IMMP2L: variants seen among roughly 807,000 people sequenced by gnomAD.
The protein encoded by IMMP2L is mitochondrial inner membrane protease subunit 2.
IMMP2L carries 18 observed loss-of-function variants against 19.3 expected under a neutral mutation model. The ratio of observed to expected loss-of-function variants is 0.93; its 90% CI spans 0.64 to 1.38. The LOEUF is 1.38. Ranked by LOEUF, IMMP2L falls within the 40% of genes most tolerant of loss-of-function variation. The probability of loss-of-function intolerance (pLI) is 0.00; values close to 1 mark genes in which losing one functional copy is unlikely to be tolerated. For missense variants in IMMP2L, 233 were observed against 218.2 expected (o/e 1.07, Z -0.43); for synonymous variants, 76 against 73.0 (o/e 1.04, Z -0.21).
chr7:111,561,544 A>G (rs1460642876), intron 1 of IMMP2L, among the ~76,000 whole-genome samples: 1 of 152,140 alleles, frequency 6.6e-6, no homozygotes, highest in African/African-American at 2.4e-5. Context: ...CCGGAGACAG[A>G]CAACTAGAGA....
chr7:111,013,664 C>T (rs1243885262), intron 3 of IMMP2L, among the ~76,000 whole-genome samples: 1 of 152,142 alleles, frequency 6.6e-6, no homozygotes, highest in African/African-American at 2.4e-5. Flanking sequence ...CCCATATATG[C>T]CCCTTGCCTA....
rs561562910 is a variant in IMMP2L at position 111,118,105 on chromosome 7, C to A, written c.240-154540G>T. Among the ~76,000 whole-genome samples the A allele has an allele frequency of 1.2e-3, 178 of 152,226 alleles. 1 individual carries two copies. The highest frequency in any genetic ancestry group is 2.2e-3 in the Admixed American group (34 of 15,284). ...AAGCATTCTCTCCTTTGTGCATCCA[C>A]AGAGCATTGCACACATTTTTATTGT... On this transcript the variant is annotated intron_variant, in intron 3 of 5. Coordinates refer to ENST00000405709, the MANE Select transcript of IMMP2L (RefSeq NM_032549.4).
At chr7:111,034,108 A>C (rs1193202704) in intron 3 of IMMP2L, among the ~76,000 whole-genome samples, 1 of 152,102 alleles carries the variant, frequency 6.6e-6, no homozygotes, top group Non-Finnish European at 1.5e-5. Flanking sequence ...AAAATTAATG[A>C]ATTTCACTGT....
chr7:110,886,751 G>A (rs946986585), intron 4 of IMMP2L, 56 bp from the exon 5 acceptor site: 5 of 814,088 alleles, frequency 6.1e-6, no homozygotes, highest in Non-Finnish European at 1.1e-5. Flanking sequence ...TCAAACTGCT[G>A]GGCATACAAA....
intron 3 of IMMP2L, among the ~76,000 whole-genome samples, chr7:111,073,345 C>T (rs935084742): frequency 2.0e-5 from 3 of 152,020 alleles, no homozygotes; most frequent in Non-Finnish European, 4.4e-5. Context: ...ATAAAGGTAC[C>T]AAAATGTTAT....
chr7:110,963,397 A>C (rs1413570118), intron 4 of IMMP2L, 103 bp downstream of exon 4: 8 of 759,498 alleles, frequency 1.1e-5, no homozygotes, highest in East Asian at 2.6e-5. Flanking sequence ...AATGTCTCCA[A>C]AACTTTGGCC....
At chr7:111,420,782 A>C (rs778443607) in intron 3 of IMMP2L, among the ~76,000 whole-genome samples, 12 of 151,752 alleles carry the variant, frequency 7.9e-5, no homozygotes, top group Non-Finnish European at 1.5e-4. Context: ...TATAAGTGCC[A>C]CATTTTCTTA....
At chr7:111,561,287 G>C (rs1365514431) in intron 1 of IMMP2L, among the ~76,000 whole-genome samples, 1 of 152,084 alleles carries the variant, frequency 6.6e-6, no homozygotes, top group Non-Finnish European at 1.5e-5. Flanking sequence ...CAGAGAAAAA[G>C]GCCCAGCCTG....
At chr7:111,445,854 C>G (rs1177795936) in intron 3 of IMMP2L, among the ~76,000 whole-genome samples, 2 of 149,668 alleles carry the variant, frequency 1.3e-5, no homozygotes, top group East Asian at 1.9e-4. Flanking sequence ...GTGCGCGCAC[C>G]GTGCGTGAGC....
intron 5 of IMMP2L, among the ~76,000 whole-genome samples, chr7:110,774,701 T>G (rs1450250056): frequency 6.6e-6 from 1 of 152,038 alleles, no homozygotes; most frequent in Non-Finnish European, 1.5e-5. Flanking sequence ...AACAGTAACA[T>G]GCTATACAGG....
Position 111,355,124 on chromosome 7 carries a change from A to T in IMMP2L, c.239+132114T>A, listed in dbSNP as rs185332637. Among the ~76,000 whole-genome samples the T allele has an allele frequency of 1.6e-3, 246 of 151,984 alleles. 1 individual carries two copies. The highest frequency in any genetic ancestry group is 5.6e-3 in the African/African-American group (233 of 41,558). ...ATGAATGTCCAATTTATAATACAGT[A>T]CTCTAAAACTGACAGTTTTTATTGA... On this transcript the variant is annotated intron_variant, in intron 3 of 5. Coordinates refer to ENST00000405709, the MANE Select transcript of IMMP2L (RefSeq NM_032549.4).
At chr7:110,927,655 G>T (rs920659198) in intron 4 of IMMP2L, among the ~76,000 whole-genome samples, 10 of 152,016 alleles carry the variant, frequency 6.6e-5, no homozygotes, top group Non-Finnish European at 8.8e-5. Flanking sequence ...TCTGGAAAAC[G>T]CAAGGAAACA....
chr7:110,829,660 T>C (rs900881292), intron 5 of IMMP2L, among the ~76,000 whole-genome samples: 1 of 152,200 alleles, frequency 6.6e-6, no homozygotes, highest in Non-Finnish European at 1.5e-5. Context: ...CTAAATGGCA[T>C]GAATAGATTC....
chr7:110,897,108 T>C (rs748548115), intron 4 of IMMP2L, among the ~76,000 whole-genome samples: 1 of 152,088 alleles, frequency 6.6e-6, no homozygotes, highest in Non-Finnish European at 1.5e-5. Flanking sequence ...TAAAGTAGGA[T>C]TGGGGAAAGC....
intron 3 of IMMP2L, among the ~76,000 whole-genome samples, chr7:111,427,594 A>G (rs1260887098): frequency 6.6e-6 from 1 of 151,850 alleles, no homozygotes; most frequent in African/African-American, 2.4e-5. Context: ...GATGCAATTA[A>G]GTGATCCAAC....
rs1201181335 is a variant in IMMP2L, at chr7:111,123,896, T to C, written c.240-160331A>G. 1 of 1,613,888 alleles carries C rather than the reference T, an allele frequency of 6.2e-7. No homozygotes were observed. The highest frequency in any genetic ancestry group is 8.5e-7 in the Non-Finnish European group (1 of 1,180,002). On this transcript the variant is annotated intron_variant, in intron 3 of 5. Coordinates refer to ENST00000405709, the MANE Select transcript of IMMP2L (RefSeq NM_032549.4). The surrounding 1 kb of genome is among the most constrained non-coding windows in gnomAD (Gnocchi z 6.4). The stretch of plus-strand genomic sequence containing the variant: ...AGTAACCCCATCAGGTGTGACTGTG[T>C]CATCCGTTGGATGAACATGAACAAA...
intron 3 of IMMP2L, among the ~76,000 whole-genome samples, chr7:111,234,059 G>A (rs1814017484): frequency 6.6e-6 from 1 of 151,998 alleles, no homozygotes; most frequent in Admixed American, 6.6e-5. Flanking sequence ...TACAAATGGT[G>A]CTATAAATTT....
intron 5 of IMMP2L, among the ~76,000 whole-genome samples, chr7:110,669,079 G>A (rs1353638088): frequency 0.084 from 7,148 of 84,616 alleles, 260 homozygotes; most frequent in African/African-American, 0.18. Flanking sequence ...GTGTGTGTGT[G>A]TGTGTGTGTG....
chr7:110,772,200 C>T (rs938288382), intron 5 of IMMP2L, among the ~76,000 whole-genome samples: 10 of 152,020 alleles, frequency 6.6e-5, no homozygotes, highest in Non-Finnish European at 1.5e-4. Context: ...ATCCTTCTCA[C>T]TTGAGACTTC....
Sources: allele counts gnomAD v4.1 joint callset (sites outside exome capture counted in the v4.1 genomes callset), GRCh38; gene constraint gnomAD v4.1.1; non-coding constraint Gnocchi (gnomAD v3.1); transcripts MANE v1.5; gene names NCBI Gene and HGNC (gene_info 2026-07-23, HGNC 2026-07-21).